HGSNAT: variants seen among roughly 807,000 people sequenced by gnomAD.
HGSNAT encodes the protein heparan-alpha-glucosaminide N-acetyltransferase.
Under a neutral mutation model 85.2 loss-of-function variants are expected in HGSNAT, and 59 were observed. The observed-to-expected ratio is 0.69, with a 90% CI of 0.56 to 0.86. The LOEUF (loss-of-function observed/expected upper bound fraction) is 0.86, where lower values mean the gene tolerates loss of function less well. Among genes scored for constraint, HGSNAT ranks in the 40% least tolerant of loss-of-function variants. The pLI is 0.00. For missense variants in HGSNAT, 756 were observed against 777.1 expected (o/e 0.97, Z 0.32); for synonymous variants, 321 against 304.5 (o/e 1.05, Z -0.56).
rs188665183 is a variant in HGSNAT at position 43,181,236 on chromosome 8, C to G, written c.1013-909C>G. On this transcript the variant is annotated intron_variant, in intron 10 of 17. Transcript: ENST00000379644. Reference sequence around the variant, plus strand: ...GGGAGAGGGAGAGGGAGAGGGAGAGCATTTCATCAGCTTTCGATAGTGTGC... The same window carrying G: ...GGGAGAGGGAGAGGGAGAGGGAGAGGATTTCATCAGCTTTCGATAGTGTGC... Among the ~76,000 whole-genome samples, 197 of 131,118 alleles carry G rather than the reference C, an allele frequency of 1.5e-3. 1 individual carries two copies. Among genetic ancestry groups the G allele is most frequent in the East Asian group, 2.6e-3 (11 of 4,266 alleles). 86.0% of individuals were successfully genotyped at this position (131,118 alleles called of 152,430 possible). A position where few individuals can be genotyped will look rare whatever the true frequency, so the allele number is the denominator to read the frequency against.
intron 10 of HGSNAT, among the ~76,000 whole-genome samples, chr8:43,180,071 C>T (rs1804001665): frequency 8.1e-6 from 1 of 122,862 alleles, no homozygotes; most frequent in Non-Finnish European, 1.8e-5. Flanking sequence ...GCTGACCCCC[C>T]CACCTCCCTC....
At chr8:43,155,714 T>G (rs1478256265) in intron 2 of HGSNAT, among the ~76,000 whole-genome samples, 1 of 152,238 alleles carries the variant, frequency 6.6e-6, no homozygotes, top group Non-Finnish European at 1.5e-5. Context: ...TTTAAGCTGT[T>G]AATCCATTTT....
Position 43,182,890 on chromosome 8 carries a change from A to AT in HGSNAT, c.1128+637dup, listed in dbSNP as rs543744230. On this transcript the variant is annotated intron_variant, in intron 11 of 17. Coordinates refer to ENST00000379644, the MANE Select transcript of HGSNAT (RefSeq NM_152419.3). Reference sequence around the variant, plus strand: ...TTAGTTATTTTTAATCTTTATGTCAATTTTTTTATTATAAAATACACGACA... The same window carrying AT: ...TTAGTTATTTTTAATCTTTATGTCAATTTTTTTTATTATAAAATACACGACA... Among the ~76,000 whole-genome samples the AT allele has an allele frequency of 4.6e-5, 7 of 152,230 alleles. No individual in the cohort carries two copies. The South Asian group carries it at 8.3e-4, about 18-fold the overall frequency.
intron 11 of HGSNAT, among the ~76,000 whole-genome samples, chr8:43,186,230 T>C (rs887096440): frequency 5.9e-5 from 9 of 152,258 alleles, no homozygotes; most frequent in African/African-American, 2.2e-4. Flanking sequence ...CTCCTCTTTG[T>C]ACCTCTGGTA....
Position 43,191,532 on chromosome 8 carries a change from T to C in HGSNAT, c.1187T>C (p.Ile396Thr), listed in dbSNP as rs1804528537. 6.2e-7 allele frequency: 1 copy of C among 1,614,032 alleles called. No individual in the cohort carries two copies. The highest frequency in any genetic ancestry group is 2.2e-5 in the East Asian group (1 of 44,876). Residue 396 changes from isoleucine to threonine, a missense_variant, in exon 12 of 18, where the codon ATC becomes ACC. Ile to Thr is a moderately conservative substitution (Grantham distance 89). Transcript: ENST00000379644. ...TCCAGCTGGCCCCAGTGGCTGCTCA[T>C]CCTGGTGCTGGAAGGCCTGTGGCTG... ...ITSSWPQWLL[I>T]LVLEGLWLGL... is the part of the protein sequence containing the mutation.
rs1405623192 is a variant in HGSNAT, at chr8:43,179,348, C to T, written c.1012+1114C>T. 7.7e-3 allele frequency among the ~76,000 whole-genome samples: 1,101 copies of T among 142,778 alleles called. 3 individuals carry two copies. Among genetic ancestry groups the T allele is most frequent in the African/African-American group, 0.027 (1,012 of 37,342 alleles). The allele number at this position is 142,778 out of a possible 152,430, so 93.7% of individuals were successfully genotyped here. A position where few individuals can be genotyped will look rare whatever the true frequency, so the allele number is the denominator to read the frequency against. On this transcript the variant is annotated intron_variant, in intron 10 of 17. Transcript: ENST00000379644. The stretch of plus-strand genomic sequence containing the variant: ...GGCGCCCCTCACCTCCTGGATAGGG[C>T]GGCTGGCTGGGCGGGGGGCTGTCCC...
chr8:43,179,611 G>T (rs1216430318), intron 10 of HGSNAT, among the ~76,000 whole-genome samples: 3 of 68,254 alleles, frequency 4.4e-5, no homozygotes, highest in Non-Finnish European at 8.5e-5. Flanking sequence ...AGGGGCGGCC[G>T]GGCAGAGGCG....
intron 10 of HGSNAT, among the ~76,000 whole-genome samples, chr8:43,178,504 A>G (rs1803892418): frequency 6.6e-6 from 1 of 151,604 alleles, no homozygotes; most frequent in East Asian, 1.9e-4. Flanking sequence ...TCTCTGGATT[A>G]TCTGAGTGTA....
chr8:43,181,862 C>T (rs149438820), intron 10 of HGSNAT: 21 of 428,840 alleles, frequency 4.9e-5, no homozygotes, highest in Admixed American at 3.1e-4. Context: ...CTGAGTAAGA[C>T]GCTTTGGTTC....
chr8:43,183,382 G>C (rs1804199876), intron 11 of HGSNAT, among the ~76,000 whole-genome samples: 1 of 151,992 alleles, frequency 6.6e-6, no homozygotes, highest in African/African-American at 2.4e-5. Flanking sequence ...GCCCAGGCTG[G>C]TCTTGAACTC....
At chr8:43,171,678 T>C (rs1029143937) in intron 7 of HGSNAT, among the ~76,000 whole-genome samples, 33 of 152,204 alleles carry the variant, frequency 2.2e-4, no homozygotes, top group Non-Finnish European at 4.0e-4. Context: ...CCGGAATCTA[T>C]TACTCTGTCT....
rs75461309 is a variant in HGSNAT at position 43,169,366 on chromosome 8, C to T, written c.633+124C>T. The T allele has an allele frequency of 2.1e-3, 1,204 of 585,072 alleles. 16 individuals are homozygous for T. The highest frequency in any genetic ancestry group is 0.019 in the African/African-American group (1,032 of 53,104). The allele number at this position is 585,072 out of a possible 1,614,324, so 36.2% of individuals were successfully genotyped here. ...TTGAGGAAGGCCAGGTTGTAGCTCCCGTATTCCTAATAGAGAGCAGCCCTC... is the reference window on the plus strand; with the variant it reads ...TTGAGGAAGGCCAGGTTGTAGCTCCTGTATTCCTAATAGAGAGCAGCCCTC... On this transcript the variant is annotated intron_variant, in intron 6 of 17. Coordinates refer to ENST00000379644, the MANE Select transcript of HGSNAT (RefSeq NM_152419.3).
intron 1 of HGSNAT, among the ~76,000 whole-genome samples, chr8:43,141,061 C>A (rs1038519890): frequency 7.2e-5 from 11 of 152,232 alleles, no homozygotes; most frequent in Non-Finnish European, 1.6e-4. Flanking sequence ...CCCTGAGGGC[C>A]TCGCCCCCGA....
chr8:43,145,455 A>C (rs1244982121), intron 1 of HGSNAT, among the ~76,000 whole-genome samples: 3 of 152,192 alleles, frequency 2.0e-5, no homozygotes, highest in Non-Finnish European at 2.9e-5. Flanking sequence ...AGATAAACTT[A>C]AAAATGAGGG....
At chr8:43,146,286 A>G (rs1408420203) in intron 1 of HGSNAT, among the ~76,000 whole-genome samples, 1 of 152,184 alleles carries the variant, frequency 6.6e-6, no homozygotes, top group Non-Finnish European at 1.5e-5. Context: ...ACTCCAAAAC[A>G]AAGTGATAGA....
Position 43,182,149 on chromosome 8 carries a change from T to G in HGSNAT, c.1017T>G (p.Ser339=). 1.2e-6 allele frequency: 2 copies of G among 1,613,646 alleles called. No individual in the cohort carries two copies. The highest frequency in any genetic ancestry group is 1.7e-6 in the Non-Finnish European group (2 of 1,179,540). Residue 339 remains serine, a synonymous_variant, in exon 11 of 18, where the codon TCT becomes TCG. Coordinates refer to ENST00000379644, the MANE Select transcript of HGSNAT (RefSeq NM_152419.3). ...CCTAACTTGTGTCTTTTGCAGTGTC[T>G]TGGGACAAGGTGCGCATTCCTGGTG... ...VNPNYCLGPL[S]WDKVRIPGVL...
chr8:43,181,095 GA>G (rs1358067037), intron 10 of HGSNAT, among the ~76,000 whole-genome samples: 4 of 32 alleles, frequency 0.12, no homozygotes, highest in South Asian at 0.5. Context: ...GGGAGAGGGA[GA>G]GGGAGAGGGA....
chr8:43,172,239 G>A (rs1056199147), intron 7 of HGSNAT, 71 bp from the exon 8 acceptor site: 5 of 1,007,716 alleles, frequency 5.0e-6, no homozygotes, highest in South Asian at 1.3e-5. Context: ...GAGTATAAAT[G>A]TGTCTTCAGT....
intron 9 of HGSNAT, among the ~76,000 whole-genome samples, chr8:43,175,223 T>G (rs774148959): frequency 6.6e-6 from 1 of 152,166 alleles, no homozygotes; most frequent in African/African-American, 2.4e-5. Context: ...CTGATTTCCT[T>G]CCTTTTGCAT....
Sources: allele counts gnomAD v4.1 joint callset (sites outside exome capture counted in the v4.1 genomes callset), GRCh38; gene constraint gnomAD v4.1.1; transcripts MANE v1.5; gene names NCBI Gene and HGNC (gene_info 2026-07-23, HGNC 2026-07-21).